Variants in FOXN3 observed in about 807,000 individuals in gnomAD.
The protein encoded by FOXN3 is forkhead box protein N3.
In FOXN3, 7 loss-of-function variants were observed where a neutral mutation model predicts 38.4. That is an observed-to-expected ratio of 0.18 (90% CI 0.10 to 0.34). FOXN3 has a LOEUF of 0.34. Among genes scored for constraint, FOXN3 ranks in the 10% least tolerant of loss-of-function variants. FOXN3 has a pLI of 1.00. For synonymous variants in FOXN3, 230 were observed against 242.2 expected, an observed-to-expected ratio of 0.95 and a Z score of 0.47; for missense variants, 456 against 613.4, an observed-to-expected ratio of 0.74 and a Z score of 2.71.
chr14:89,615,210 T>C (rs1283446964), intron 1 of FOXN3, among the ~76,000 whole-genome samples: 1 of 144,954 alleles, frequency 6.9e-6, no homozygotes, highest in East Asian at 2.1e-4. Flanking sequence ...ATGAGAAGAA[T>C]GAAGCTGCCT....
At chr14:89,467,724 T>C (rs1265626186) in intron 1 of FOXN3, among the ~76,000 whole-genome samples, 1 of 149,282 alleles carries the variant, frequency 6.7e-6, no homozygotes. Flanking sequence ...GCTTCCCAAA[T>C]AGCTGAGACT....
chr14:89,552,208 C>T (rs754587501), intron 1 of FOXN3, among the ~76,000 whole-genome samples: 6 of 152,118 alleles, frequency 3.9e-5, no homozygotes, highest in Non-Finnish European at 5.9e-5. Flanking sequence ...AAAATCACTC[C>T]GAATTGTGTG....
At chr14:89,434,466 G>T (rs1892233114) in intron 1 of FOXN3, among the ~76,000 whole-genome samples, 1 of 151,864 alleles carries the variant, frequency 6.6e-6, no homozygotes, top group Non-Finnish European at 1.5e-5. Flanking sequence ...GTGACCTCAG[G>T]TGATCCACCT....
At chr14:89,531,571 G>A (rs1373885048) in intron 1 of FOXN3, among the ~76,000 whole-genome samples, 1 of 152,166 alleles carries the variant, frequency 6.6e-6, no homozygotes, top group Non-Finnish European at 1.5e-5. Context: ...TGCTATCACT[G>A]GAGCATTCAT....
chr14:89,392,745 ATT>A (rs2140079011), intron 2 of FOXN3, among the ~76,000 whole-genome samples: 1 of 149,728 alleles, frequency 6.7e-6, no homozygotes, highest in East Asian at 2.0e-4. Context: ...GGTTCAAGCA[ATT>A]CTCCTGCCGC....
chr14:89,219,988 T>C (rs888875121), intron 4 of FOXN3, among the ~76,000 whole-genome samples: 2 of 152,364 alleles, frequency 1.3e-5, no homozygotes, highest in South Asian at 4.1e-4. Context: ...ACTATTTTTT[T>C]AAAATTATAA....
At chr14:89,570,688 GTTT>G (rs11383658) in intron 1 of FOXN3, among the ~76,000 whole-genome samples, 4 of 145,164 alleles carry the variant, frequency 2.8e-5, no homozygotes, top group Non-Finnish European at 4.6e-5. Context: ...TGCAATTTTG[GTTT>G]TTTTTTTTTA....
chr14:89,519,022 C>T (rs928306263), intron 1 of FOXN3, among the ~76,000 whole-genome samples: 1 of 151,240 alleles, frequency 6.6e-6, no homozygotes, highest in Non-Finnish European at 1.5e-5. Context: ...CTCAAACAAA[C>T]AAAAAAAGAG....
intron 4 of FOXN3, among the ~76,000 whole-genome samples, chr14:89,255,779 T>G (rs1326479861): frequency 1.3e-5 from 2 of 152,128 alleles, no homozygotes; most frequent in Non-Finnish European, 2.9e-5. Flanking sequence ...GTCAGCAAAC[T>G]GACCTTCCAG....
At chr14:89,356,719 T>C (rs1229268865) in intron 2 of FOXN3, 1 of 152,184 alleles carries the variant, frequency 6.6e-6, no homozygotes, top group Non-Finnish European at 1.5e-5. Context: ...TTCATTCCTG[T>C]GGTGCCTACT....
chr14:89,567,922 C>A (rs1895396552), intron 1 of FOXN3, among the ~76,000 whole-genome samples: 1 of 151,878 alleles, frequency 6.6e-6, no homozygotes, highest in African/African-American at 2.4e-5. Flanking sequence ...CGGGGTTTCA[C>A]CGTGTTAGCC....
chr14:89,230,308 C>T (rs1456853982), intron 4 of FOXN3, among the ~76,000 whole-genome samples: 2 of 152,236 alleles, frequency 1.3e-5, no homozygotes. Context: ...GCTGAATGGA[C>T]AATCCCTCTT....
intron 2 of FOXN3, among the ~76,000 whole-genome samples, chr14:89,368,101 G>A (rs1324598746): frequency 2.0e-5 from 3 of 151,884 alleles, no homozygotes; most frequent in African/African-American, 4.8e-5. Flanking sequence ...GGCCGAGGCG[G>A]GTGAATCACT....
At chr14:89,279,034 C>T (rs1886382898) in intron 4 of FOXN3, among the ~76,000 whole-genome samples, 1 of 151,844 alleles carries the variant, frequency 6.6e-6, no homozygotes. Context: ...CCCACATATT[C>T]CAAAAAAATA....
chr14:89,425,135 G>C lies in FOXN3; in HGVS notation c.-14-12645C>G, dbSNP rs547501021. Among the ~76,000 whole-genome samples the C allele has an allele frequency of 3.5e-3, 498 of 143,054 alleles. 3 individuals are homozygous for C. The highest frequency in any genetic ancestry group is 0.013 in the African/African-American group (483 of 38,372). The allele number at this position is 143,054 out of a possible 152,430, so 93.8% of individuals were successfully genotyped here. Reference sequence around the variant, plus strand: ...GCTGGAATGCAGTGGCACGATCTTGGCCCACTGCTACCTCTGCCTCCCGGG... The same window carrying C: ...GCTGGAATGCAGTGGCACGATCTTGCCCCACTGCTACCTCTGCCTCCCGGG... On this transcript the variant is annotated intron_variant, in intron 1 of 6. Transcript: ENST00000345097.
At chr14:89,594,445 A>G (rs925821867) in intron 1 of FOXN3, among the ~76,000 whole-genome samples, 9 of 152,180 alleles carry the variant, frequency 5.9e-5, no homozygotes, top group African/African-American at 1.9e-4. Context: ...TTTCTAATTT[A>G]TATTTCCCTG....
At chr14:89,583,079 A>T (rs1271738146) in intron 1 of FOXN3, among the ~76,000 whole-genome samples, 2 of 152,214 alleles carry the variant, frequency 1.3e-5, no homozygotes, top group Non-Finnish European at 2.9e-5. Context: ...GATTACATAC[A>T]AGTCTTTGTG....
chr14:89,219,965 C>T (rs1884411794), intron 4 of FOXN3, among the ~76,000 whole-genome samples: 1 of 152,122 alleles, frequency 6.6e-6, no homozygotes, highest in African/African-American at 2.4e-5. Context: ...AACTAATCAT[C>T]GGTCTGCAGT....
chr14:89,236,786 G>T (rs1884994929), intron 4 of FOXN3, among the ~76,000 whole-genome samples: 1 of 152,202 alleles, frequency 6.6e-6, no homozygotes. Context: ...TGGCCTGGAG[G>T]CCTCAGTTCC....
Sources: gnomAD v4.1 joint callset for allele counts (sites outside exome capture counted in the v4.1 genomes callset) on GRCh38, gnomAD v4.1.1 for gene constraint, MANE v1.5 for transcripts, NCBI Gene and HGNC (gene_info 2026-07-23, HGNC 2026-07-21) for gene names.